The following RUBCN variants were observed in gnomAD, a reference collection of about 807,000 sequenced individuals.
RUBCN encodes rubicon autophagy regulator, also known as run domain Beclin-1-interacting and cysteine-rich domain-containing protein.
A neutral mutation model predicts 113.2 loss-of-function variants in RUBCN; 74 were observed. That is an observed-to-expected ratio of 0.65 (90% CI 0.54 to 0.79). RUBCN has a LOEUF of 0.79. RUBCN is among the 30% of genes least tolerant of loss of function. The pLI, the probability that RUBCN is intolerant of heterozygous loss-of-function variation, is 0.00. For missense variants in RUBCN, 1,109 were observed against 1,251.7 expected, an observed-to-expected ratio of 0.89 and a Z score of 1.72; for synonymous variants, 480 against 490.0, an observed-to-expected ratio of 0.98 and a Z score of 0.27.
upstream of RUBCN, among the ~76,000 whole-genome samples, chr3:197,737,937 G>A (rs948753145): frequency 2.0e-5 from 3 of 152,128 alleles, no homozygotes; most frequent in Non-Finnish European, 4.4e-5. Context: ...CGCCCAGGCT[G>A]GGGTGCAGTG....
At position 197,718,099 on chromosome 3, in the gene RUBCN, T is replaced by C; in HGVS notation, c.97A>G (p.Lys33Glu). The C allele has an allele frequency of 6.2e-7, 1 of 1,614,184 alleles. No homozygotes were observed. Among genetic ancestry groups the C allele is most frequent in the Non-Finnish European group, 8.5e-7 (1 of 1,180,040 alleles). The change falls in exon 2 of 20, where the codon AAG (lysine) becomes GAG (glutamate). Residue 33 changes from lysine to glutamate, a missense_variant. Physicochemically the swap from Lys to Glu is moderately conservative, Grantham distance 56 (BLOSUM62 1). Transcript: ENST00000296343. The part of the protein sequence containing the change: ...REHWQLLGNL[K>E]TTVEGLVSTN... The stretch of plus-strand genomic sequence containing the variant: ...GATACCAAACCCTCCACCGTCGTCT[T>C]CAAATTACCCAGCAACTGCCAGTGC...
intron 1 of RUBCN, among the ~76,000 whole-genome samples, chr3:197,727,820 TCAC>T (rs1189171100): frequency 6.6e-6 from 1 of 152,244 alleles, no homozygotes; most frequent in African/African-American, 2.4e-5. Context: ...TCTTATTACT[TCAC>T]CAGGCTCATG....
chr3:197,734,309 C>CT (rs986986847), intron 1 of RUBCN, among the ~76,000 whole-genome samples: 3 of 151,158 alleles, frequency 2.0e-5, no homozygotes, highest in African/African-American at 7.3e-5. Context: ...TCGCTCATGC[C>CT]TGTAACCTCA....
Position 197,669,615 on chromosome 3 carries a change from TCTCTA to T in RUBCN, c.*5398_*5402del, listed in dbSNP as rs539983945. ...TACTTGGTTAAGGTCGTGTTAGCTC[TCTCTA>T]CTCTAAAGTTGCTATTTTCCTCTTT... On this transcript the variant is annotated 3_prime_UTR_variant, in exon 20 of 20. Transcript: ENST00000296343. Among the ~76,000 whole-genome samples, 82 of 152,352 alleles carry T rather than the reference TCTCTA, an allele frequency of 5.4e-4. No individual in the cohort carries two copies. The highest frequency in any genetic ancestry group is 1.9e-3 in the African/African-American group (80 of 41,568).
chr3:197,683,418 G>C lies in RUBCN; in HGVS notation c.1869C>G (p.Ser623=), dbSNP rs1721485939. The C allele has an allele frequency of 6.2e-7, 1 of 1,614,160 alleles. No individual in the cohort carries two copies. Among genetic ancestry groups the C allele is most frequent in the Non-Finnish European group, 8.5e-7 (1 of 1,180,026 alleles). ...CCATGGCCACCGCCTCAGCAGACGT[G>C]GAGTGCAGGAAGCAGTGGGAGCTGG... ...SQSFSHCFLH[S]TSAEAVAMGL... is the part of the protein sequence containing the mutation. Residue 623 remains serine (S), a synonymous_variant, in exon 13 of 20, where the codon TCC becomes TCG. Coordinates refer to ENST00000296343, the MANE Select transcript of RUBCN (RefSeq NM_014687.4). The surrounding 1 kb of genome is among the most constrained non-coding windows in gnomAD (Gnocchi z 4.6).
At chr3:197,711,100 A>G (rs1724915121) in intron 2 of RUBCN, among the ~76,000 whole-genome samples, 1 of 152,256 alleles carries the variant, frequency 6.6e-6, no homozygotes, top group South Asian at 2.1e-4. Flanking sequence ...CTGGGATTAC[A>G]GGCGTGAGCC....
intron 5 of RUBCN, among the ~76,000 whole-genome samples, chr3:197,702,094 A>C (rs1723743407): frequency 6.6e-6 from 1 of 152,216 alleles, no homozygotes; most frequent in Admixed American, 6.5e-5. Context: ...AACCAGGAGT[A>C]CTTTATTACA....
chr3:197,703,733 A>AGG (rs1723967093), intron 4 of RUBCN, 79 bp from the exon 5 acceptor site: 1 of 865,872 alleles, frequency 1.2e-6, no homozygotes, highest in African/African-American at 1.7e-5. Flanking sequence ...AGAAAGGGAG[A>AGG]GGTAAGGATG....
intron 1 of RUBCN, among the ~76,000 whole-genome samples, chr3:197,742,021 C>T (rs1728544378): frequency 6.6e-6 from 1 of 151,620 alleles, no homozygotes; most frequent in African/African-American, 2.4e-5. Context: ...CCTCAGCCTC[C>T]TGAGTAGCTA....
At chr3:197,735,622 T>C (rs1303553396) in intron 1 of RUBCN, among the ~76,000 whole-genome samples, 1 of 152,138 alleles carries the variant, frequency 6.6e-6, no homozygotes, top group African/African-American at 2.4e-5. Flanking sequence ...GACAGGGTCT[T>C]CCTCTGTCAC....
Position 197,681,069 on chromosome 3 carries a change from GGGAGGGGATGAGGGGA to G in RUBCN, c.2430+44_2430+59del. 2.0e-6 allele frequency: 2 copies of G among 1,013,470 alleles called. No individual in the cohort carries two copies. Among genetic ancestry groups the G allele is most frequent in the Non-Finnish European group, 3.1e-6 (2 of 642,588 alleles). The allele number at this position is 1,013,470 out of a possible 1,614,324, so 62.8% of individuals were successfully genotyped here. A position where few individuals can be genotyped will look rare whatever the true frequency, so the allele number is the denominator to read the frequency against. ...GGGGAGGGGACGGGGGAGGGACGAG[GGGAGGGGATGAGGGGA>G]GGAGAAGGGCAAGACTCTAAGGTGG... On this transcript the variant is annotated intron_variant, in intron 16 of 19. Coordinates refer to ENST00000296343, the MANE Select transcript of RUBCN (RefSeq NM_014687.4). The surrounding 1 kb of genome is among the most constrained non-coding windows in gnomAD (Gnocchi z 5.5).
chr3:197,731,625 GACCCCCCCACCTCCCT>G (rs1727488244), intron 1 of RUBCN, among the ~76,000 whole-genome samples: 4 of 147,132 alleles, frequency 2.7e-5, no homozygotes, highest in African/African-American at 1.0e-4. Context: ...GGCGGGGCCT[GACCCCCCCACCTCCCT>G]CCCGGACGGG....
intron 1 of RUBCN, among the ~76,000 whole-genome samples, chr3:197,731,992 A>T (rs1727559370): frequency 6.6e-6 from 1 of 152,252 alleles, no homozygotes; most frequent in South Asian, 2.1e-4. Context: ...AATAGAGAAG[A>T]GCGAAATGTC....
chr3:197,743,550 A>G (rs991453764), intron 1 of RUBCN, among the ~76,000 whole-genome samples: 6 of 152,252 alleles, frequency 3.9e-5, no homozygotes, highest in Non-Finnish European at 8.8e-5. Flanking sequence ...AGAAAGCTAC[A>G]GCAAAGTGGC....
intron 16 of RUBCN, among the ~76,000 whole-genome samples, 159 bp downstream of exon 16, chr3:197,680,970 A>G (rs1233357247): frequency 1.4e-5 from 2 of 143,396 alleles, no homozygotes; most frequent in Non-Finnish European, 3.1e-5. Flanking sequence ...GGGAAGCCCT[A>G]TATAACCAGG....
At chr3:197,686,912 G>A (rs1341572982) in intron 11 of RUBCN, among the ~76,000 whole-genome samples, 3 of 152,136 alleles carry the variant, frequency 2.0e-5, no homozygotes, top group Non-Finnish European at 4.4e-5. Flanking sequence ...CATTATTACT[G>A]ACTGAAAAAA....
chr3:197,673,673 G>C lies in RUBCN; in HGVS notation c.*1345C>G, dbSNP rs1041629990. 1 of 150,380 alleles carries C rather than the reference G, an allele frequency of 6.6e-6. No homozygotes were observed. 9.3% of individuals were successfully genotyped at this position (150,380 alleles called of 1,614,324 possible). A position where few individuals can be genotyped will look rare whatever the true frequency, so the allele number is the denominator to read the frequency against. On this transcript the variant is annotated 3_prime_UTR_variant, in exon 20 of 20. Coordinates refer to ENST00000296343, the MANE Select transcript of RUBCN (RefSeq NM_014687.4). Reference sequence around the variant, plus strand: ...ACACACACATTAACGGGGGGGAAGGGGGAGGCAGCACACCAAAATCAGCAT... The same window carrying C: ...ACACACACATTAACGGGGGGGAAGGCGGAGGCAGCACACCAAAATCAGCAT...
chr3:197,703,165 G>A (rs974936015), intron 5 of RUBCN, among the ~76,000 whole-genome samples: 2 of 151,840 alleles, frequency 1.3e-5, no homozygotes, highest in Admixed American at 6.6e-5. Context: ...TTGGGAGGCC[G>A]AGGCGGGAGG....
upstream of RUBCN, among the ~76,000 whole-genome samples, chr3:197,741,696 G>A (rs1392445154): frequency 3.9e-5 from 6 of 152,016 alleles, no homozygotes; most frequent in Middle Eastern, 3.4e-3. Context: ...GGTGGTGGGC[G>A]CCTGTAATCC....
Sources: allele counts gnomAD v4.1 joint callset (sites outside exome capture counted in the v4.1 genomes callset), GRCh38; gene constraint gnomAD v4.1.1; non-coding constraint Gnocchi (gnomAD v3.1); transcripts MANE v1.5; gene names NCBI Gene and HGNC (gene_info 2026-07-23, HGNC 2026-07-21).